PPP1R1B: variants seen among roughly 807,000 people sequenced by gnomAD.
The protein encoded by PPP1R1B is protein phosphatase 1 regulatory inhibitor subunit 1B.
PPP1R1B carries 13 observed loss-of-function variants against 28.2 expected under a neutral mutation model. The ratio of observed to expected loss-of-function variants is 0.46; its 90% CI spans 0.30 to 0.73. The LOEUF (loss-of-function observed/expected upper bound fraction) is 0.73. Ranked by LOEUF, PPP1R1B falls within the 30% of genes least tolerant of loss-of-function variation. The pLI is 0.07. For synonymous variants in PPP1R1B, 102 were observed against 97.5 expected, an observed-to-expected ratio of 1.05 and a Z score of -0.27; for missense variants, 236 against 256.7, an observed-to-expected ratio of 0.92 and a Z score of 0.55.
In PPP1R1B at chr17:39,627,325, A is replaced by G. The variant is rs2056844661; in HGVS notation, c.-68A>G. ...GCACAGCCCGCCGCCTGCGCGGGGG[A>G]GCCCAGCACAGACCGCCGCCGGGAC... On this transcript the variant is annotated 5_prime_UTR_variant, in exon 1 of 7. Coordinates refer to ENST00000254079, the MANE Select transcript of PPP1R1B (RefSeq NM_032192.4). 1.1e-5 allele frequency: 12 copies of G among 1,063,410 alleles called. No homozygotes were observed. The highest frequency in any genetic ancestry group is 1.7e-5 in the African/African-American group (1 of 60,112). 65.9% of individuals were successfully genotyped at this position (1,063,410 alleles called of 1,614,324 possible).
In PPP1R1B at chr17:39,629,123, G is replaced by T; in HGVS notation, c.82-47G>T. On this transcript the variant is annotated intron_variant, in intron 1 of 6. Coordinates refer to ENST00000254079, the MANE Select transcript of PPP1R1B (RefSeq NM_032192.4). ...TGTTCCCTGCTGCCTGGGGGTGGGG[G>T]AGGGCTGCAGGTGTCCATCCAGTCA... 4 of 1,577,008 alleles carry T rather than the reference G, an allele frequency of 2.5e-6. No individual in the cohort carries two copies. The South Asian group carries it at 3.3e-5, about 13-fold the overall frequency.
intron 4 of PPP1R1B, chr17:39,633,465 C>T (rs1223801872): frequency 5.4e-6 from 1 of 185,712 alleles, no homozygotes; most frequent in East Asian, 1.3e-4. Flanking sequence ...TGGCAAATCC[C>T]CAGGCCCTGG....
In PPP1R1B at chr17:39,629,090, G is replaced by A. The variant is rs762572583; in HGVS notation, c.82-80G>A. The A allele has an allele frequency of 9.2e-5, 127 of 1,387,576 alleles. 1 individual carries two copies. The highest frequency in any genetic ancestry group is 1.3e-4 in the Non-Finnish European group (126 of 984,058). 86.0% of individuals were successfully genotyped at this position (1,387,576 alleles called of 1,614,324 possible). A position where few individuals can be genotyped will look rare whatever the true frequency, so the allele number is the denominator to read the frequency against. On this transcript the variant is annotated intron_variant, in intron 1 of 6. Coordinates refer to ENST00000254079, the MANE Select transcript of PPP1R1B (RefSeq NM_032192.4). ...TCAAAGGTTCCCTGGGGACTCCAAA[G>A]CACTGTTTGTTCCCTGCTGCCTGGG... is the stretch of plus-strand genomic sequence containing the variant.
At chr17:39,631,579 G>A (rs2056878251) in intron 4 of PPP1R1B, among the ~76,000 whole-genome samples, 1 of 148,084 alleles carries the variant, frequency 6.8e-6, no homozygotes. Context: ...GGGAGGGAGA[G>A]CTACCGGAAG....
chr17:39,627,131 G>A lies in PPP1R1B; in HGVS notation c.-262G>A. On this transcript the variant is annotated 5_prime_UTR_variant, in exon 1 of 7. Coordinates refer to ENST00000254079, the MANE Select transcript of PPP1R1B (RefSeq NM_032192.4). ...AGACACCCAGGCCGGGGAGCGCGAG[G>A]GAGCGAGGCACAGACCTGGCTCAGC... is the stretch of plus-strand genomic sequence containing the variant. 2.3e-6 allele frequency: 1 copy of A among 439,732 alleles called. No homozygotes were observed. The highest frequency in any genetic ancestry group is 5.9e-4 in the Middle Eastern group (1 of 1,706). The allele number at this position is 439,732 out of a possible 1,614,324, so 27.2% of individuals were successfully genotyped here.
At chr17:39,630,460 T>C (rs1408086753) in intron 4 of PPP1R1B, 1 of 222,984 alleles carries the variant, frequency 4.5e-6, no homozygotes, top group Non-Finnish European at 9.1e-6. Context: ...TTTGCACAGA[T>C]CTGCACACTG....
chr17:39,629,925 G>A (rs2056864144), intron 3 of PPP1R1B, 47 bp from the exon 4 acceptor site: 5 of 1,562,180 alleles, frequency 3.2e-6, no homozygotes, highest in Non-Finnish European at 4.4e-6. Flanking sequence ...GATGGTGAAG[G>A]CAAGGGCCTC....
At position 39,629,228 on chromosome 17, in the gene PPP1R1B, C is replaced by T; in HGVS notation, c.140C>T (p.Pro47Leu). 6.2e-7 allele frequency: 1 copy of T among 1,613,604 alleles called. No homozygotes were observed. Among genetic ancestry groups the T allele is most frequent in the African/African-American group, 1.3e-5 (1 of 75,006 alleles). ...MLFRLSEHSS[P>L]EEEASPHQRA... ...TTCCGGCTCTCAGAGCACTCCTCAC[C>T]AGGTAGGCCCCTCCCTGCCCACTTA... The change falls in exon 2 of 7, where the codon CCA becomes CTA. Residue 47 changes from proline to leucine, a missense_variant and splice_region_variant. Pro to Leu is a moderately conservative substitution (Grantham distance 98). Transcript: ENST00000254079.
At chr17:39,633,410 A>G in intron 4 of PPP1R1B, 1 of 190,974 alleles carries the variant, frequency 5.2e-6, no homozygotes, top group Non-Finnish European at 1.1e-5. Context: ...GATCAGGGTA[A>G]GCAGTGAGCC....
At chr17:39,633,729 C>G (rs2056895175) in intron 4 of PPP1R1B, 154 bp from the exon 5 acceptor site, 2 of 1,362,710 alleles carry the variant, frequency 1.5e-6, no homozygotes, top group Non-Finnish European at 2.0e-6. Context: ...ATCAGGCTGA[C>G]CTGTCAACTT....
At position 39,635,944 on chromosome 17, in the gene PPP1R1B, T is replaced by C. The variant is rs569605869; in HGVS notation, c.*79T>C. The C allele has an allele frequency of 4.0e-6, 6 of 1,495,402 alleles. No homozygotes were observed. The African/African-American group carries it at 6.9e-5, about 17-fold the overall frequency. The allele number at this position is 1,495,402 out of a possible 1,614,324, so 92.6% of individuals were successfully genotyped here. ...GAAACCCACTCTATCCTCACCCTGTTTTGTGCTCTTCCCCTCGCCTGCTAG... is the reference window on the plus strand; with the variant it reads ...GAAACCCACTCTATCCTCACCCTGTCTTGTGCTCTTCCCCTCGCCTGCTAG... On this transcript the variant is annotated 3_prime_UTR_variant, in exon 7 of 7. Transcript: ENST00000254079.
intron 4 of PPP1R1B, 77 bp from the exon 5 acceptor site, chr17:39,633,806 G>A (rs993627795): frequency 2.8e-5 from 45 of 1,591,718 alleles, no homozygotes; most frequent in Non-Finnish European, 3.7e-5. Flanking sequence ...GAGGCTGGGG[G>A]CTAGGCCACA....
chr17:39,629,366 T>C, intron 2 of PPP1R1B, 136 bp downstream of exon 2: 1 of 1,244,162 alleles, frequency 8.0e-7, no homozygotes, highest in Non-Finnish European at 1.2e-6. Context: ...CCCAACTCTA[T>C]TGGCTTTATT....
At chr17:39,629,619 G>C in intron 3 of PPP1R1B, 57 bp downstream of exon 3, 1 of 1,595,674 alleles carries the variant, frequency 6.3e-7, no homozygotes, top group Non-Finnish European at 8.6e-7. Context: ...GGGTGGGGTG[G>C]ACGGGTGCCT....
At chr17:39,627,838 G>T (rs1037119434) in intron 1 of PPP1R1B, among the ~76,000 whole-genome samples, 4 of 152,094 alleles carry the variant, frequency 2.6e-5, no homozygotes, top group Non-Finnish European at 5.9e-5. Flanking sequence ...GGACCGCTCC[G>T]CCTGGCTCTG....
At chr17:39,627,718 T>G (rs1444138687) in intron 1 of PPP1R1B, among the ~76,000 whole-genome samples, 1 of 127,702 alleles carries the variant, frequency 7.8e-6, no homozygotes, top group Admixed American at 7.6e-5. Context: ...AGGCTGGGGG[T>G]GCGGGGGTGG....
rs746860032 is a variant in PPP1R1B at position 39,634,025 on chromosome 17, TGAA to T, written c.390_392del (p.Glu135del). ...AAGATGAGGAGGAAGAGGAGGATGA[TGAA>T]GAAGAGGAAGAAGAAGAGGACAGCC... On this transcript the variant is annotated inframe_deletion, in exon 5 of 7. Transcript: ENST00000254079. 3.1e-6 allele frequency: 5 copies of T among 1,613,670 alleles called. No homozygotes were observed. Among genetic ancestry groups the T allele is most frequent in the African/African-American group, 1.3e-5 (1 of 74,872 alleles).
At chr17:39,630,190 A>C in intron 4 of PPP1R1B, 143 bp downstream of exon 4, 1 of 754,624 alleles carries the variant, frequency 1.3e-6, no homozygotes. Flanking sequence ...CAACGTAAAG[A>C]CCAATTTTTT....
Position 39,635,957 on chromosome 17 carries a change from C to A in PPP1R1B, c.*92C>A. On this transcript the variant is annotated 3_prime_UTR_variant, in exon 7 of 7. Coordinates refer to ENST00000254079, the MANE Select transcript of PPP1R1B (RefSeq NM_032192.4). ...TCCTCACCCTGTTTTGTGCTCTTCCCCTCGCCTGCTAGGGCTGCGGCTTCT... is the reference window on the plus strand; with the variant it reads ...TCCTCACCCTGTTTTGTGCTCTTCCACTCGCCTGCTAGGGCTGCGGCTTCT... 7.1e-7 allele frequency: 1 copy of A among 1,405,044 alleles called. No individual in the cohort carries two copies. Among genetic ancestry groups the A allele is most frequent in the Non-Finnish European group, 9.8e-7 (1 of 1,017,700 alleles). The allele number at this position is 1,405,044 out of a possible 1,614,324, so 87.0% of individuals were successfully genotyped here.
Sources: gnomAD v4.1 joint callset for allele counts (sites outside exome capture counted in the v4.1 genomes callset) on GRCh38, gnomAD v4.1.1 for gene constraint, MANE v1.5 for transcripts, NCBI Gene and HGNC (gene_info 2026-07-23, HGNC 2026-07-21) for gene names.